The following CERS3 variants were observed in gnomAD, a reference collection of about 807,000 sequenced individuals.
The protein encoded by CERS3 is LAG1 homolog, ceramide synthase 3.
Under a neutral mutation model 50.3 loss-of-function variants are expected in CERS3, and 33 were observed. The observed-to-expected ratio is 0.66, with a 90% CI of 0.50 to 0.88. The LOEUF (loss-of-function observed/expected upper bound fraction) is 0.88, where lower values mean the gene tolerates loss of function less well. Among genes scored for constraint, CERS3 ranks in the 40% least tolerant of loss-of-function variants. The probability of loss-of-function intolerance (pLI) is 0.00; values close to 1 mark genes in which losing one functional copy is unlikely to be tolerated. For missense variants in CERS3, 470 were observed against 460.3 expected, an observed-to-expected ratio of 1.02 and a Z score of -0.19; for synonymous variants, 176 against 155.2, an observed-to-expected ratio of 1.13 and a Z score of -0.99.
At chr15:100,519,096 T>C (rs921450389) in intron 2 of CERS3, among the ~76,000 whole-genome samples, 1 of 151,548 alleles carries the variant, frequency 6.6e-6, no homozygotes, top group African/African-American at 2.4e-5. Context: ...AAGGCGGAGG[T>C]TGCAGTGAGC....
intron 11 of CERS3, among the ~76,000 whole-genome samples, chr15:100,453,995 C>T (rs1231533033): frequency 2.0e-5 from 3 of 152,086 alleles, no homozygotes; most frequent in African/African-American, 7.2e-5. Flanking sequence ...AGGACATAAA[C>T]AAATGGAAAG....
intron 11 of CERS3, among the ~76,000 whole-genome samples, chr15:100,411,737 G>A (rs2031506090): frequency 1.3e-5 from 2 of 152,128 alleles, no homozygotes; most frequent in Admixed American, 1.3e-4. Context: ...GTTTTCCACA[G>A]TGACTGTACC....
At chr15:100,412,747 C>A (rs1479812822) in intron 11 of CERS3, among the ~76,000 whole-genome samples, 2 of 152,130 alleles carry the variant, frequency 1.3e-5, no homozygotes, top group African/African-American at 2.4e-5. Context: ...AGAATATGTT[C>A]TATTTTTCAC....
chr15:100,453,394 A>G (rs768620817), intron 11 of CERS3, among the ~76,000 whole-genome samples: 7 of 152,232 alleles, frequency 4.6e-5, no homozygotes, highest in Non-Finnish European at 1.0e-4. Context: ...AATGTAGAAT[A>G]AAATCTATAT....
intron 11 of CERS3, among the ~76,000 whole-genome samples, chr15:100,403,623 A>T (rs76676669): frequency 0.033 from 5,083 of 152,300 alleles, 303 homozygotes; most frequent in African/African-American, 0.12. Context: ...AACTCTATGC[A>T]TATACATTTG....
At chr15:100,541,068 C>T (rs181207965) in intron 1 of CERS3, among the ~76,000 whole-genome samples, 1 of 152,114 alleles carries the variant, frequency 6.6e-6, no homozygotes, top group African/African-American at 2.4e-5. Context: ...TTAGAAAAAG[C>T]TAGGGCATCC....
intron 11 of CERS3, among the ~76,000 whole-genome samples, chr15:100,427,227 C>T (rs886981331): frequency 8.5e-5 from 13 of 152,112 alleles, no homozygotes; most frequent in African/African-American, 2.9e-4. Context: ...TCAGATGGTT[C>T]CTGCTGGACA....
At chr15:100,460,039 A>C (rs1201872577) in intron 10 of CERS3, among the ~76,000 whole-genome samples, 1 of 152,180 alleles carries the variant, frequency 6.6e-6, no homozygotes, top group South Asian at 2.1e-4. Flanking sequence ...TATGTTAATT[A>C]GCTTTATACA....
intron 11 of CERS3, among the ~76,000 whole-genome samples, chr15:100,453,295 A>G (rs1013775284): frequency 2.6e-5 from 4 of 152,220 alleles, no homozygotes; most frequent in Non-Finnish European, 5.9e-5. Flanking sequence ...CAAAAAGATA[A>G]CATACCATGG....
chr15:100,421,672 G>C (rs1473666048), intron 11 of CERS3, among the ~76,000 whole-genome samples: 2 of 150,230 alleles, frequency 1.3e-5, no homozygotes, highest in Non-Finnish European at 3.0e-5. Flanking sequence ...CATGCTACCT[G>C]ACTTCAAACT....
intron 11 of CERS3, among the ~76,000 whole-genome samples, chr15:100,418,956 A>G (rs1377994811): frequency 2.3e-5 from 3 of 132,566 alleles, no homozygotes; most frequent in Admixed American, 8.0e-5. Flanking sequence ...AGGAACAACC[A>G]GTACCAGCCA....
chr15:100,509,498 TCAGA>T (rs1290888872), intron 2 of CERS3, among the ~76,000 whole-genome samples: 3 of 152,174 alleles, frequency 2.0e-5, no homozygotes, highest in Admixed American at 6.5e-5. Flanking sequence ...AAGGTTTCTC[TCAGA>T]CAGACAGCAG....
At chr15:100,455,207 C>T (rs2034323182) in intron 11 of CERS3, among the ~76,000 whole-genome samples, 1 of 151,698 alleles carries the variant, frequency 6.6e-6, no homozygotes, top group Admixed American at 6.6e-5. Flanking sequence ...AAATGTAGAA[C>T]TACCATATGA....
At chr15:100,439,010 T>C (rs78178138) in intron 11 of CERS3, among the ~76,000 whole-genome samples, 2,500 of 152,360 alleles carry the variant, frequency 0.016, 30 homozygotes, top group Admixed American at 0.027. Context: ...AGTGTCAGCC[T>C]GTCATATTTT....
chr15:100,483,775 A>ATTT lies in CERS3; in HGVS notation c.407+774_407+775insAAA, dbSNP rs1158193821. ...GGCAGAAGGATCAATAATAATAATA[A>ATTT]TTATTATTATTATTTTTTTTTTTGA... On this transcript the variant is annotated intron_variant, in intron 5 of 11. Transcript: ENST00000679737. Among the ~76,000 whole-genome samples the ATTT allele has an allele frequency of 8.3e-3, 150 of 18,148 alleles. 2 individuals carry two copies. The highest frequency in any genetic ancestry group is 0.037 in the Middle Eastern group (2 of 54). 11.9% of individuals were successfully genotyped at this position (18,148 alleles called of 152,430 possible). A position where few individuals can be genotyped will look rare whatever the true frequency, so the allele number is the denominator to read the frequency against.
In CERS3 at chr15:100,402,483, G is replaced by A; in HGVS notation, c.*230C>T. On this transcript the variant is annotated 3_prime_UTR_variant, in exon 12 of 12. Coordinates refer to ENST00000679737, the MANE Select transcript of CERS3 (RefSeq NM_001378789.1). ...GAGACGGTTCTGTGGAGAAATCTTT[G>A]AAATCTTTGACCAGTCTGAGTCCTA... The A allele has an allele frequency of 3.9e-6, 2 of 517,292 alleles. No homozygotes were observed. The highest frequency in any genetic ancestry group is 6.8e-6 in the Non-Finnish European group (2 of 292,050). 32.0% of individuals were successfully genotyped at this position (517,292 alleles called of 1,614,324 possible). A position where few individuals can be genotyped will look rare whatever the true frequency, so the allele number is the denominator to read the frequency against.
At chr15:100,462,745 C>T (rs541589068) in intron 10 of CERS3, among the ~76,000 whole-genome samples, 9 of 152,182 alleles carry the variant, frequency 5.9e-5, no homozygotes, top group African/African-American at 1.7e-4. Context: ...ACAATGTCAG[C>T]GACATGAAAG....
At chr15:100,536,054 TGC>T (rs2142426337) in intron 1 of CERS3, among the ~76,000 whole-genome samples, 5 of 115,974 alleles carry the variant, frequency 4.3e-5, no homozygotes, top group South Asian at 3.6e-4. Flanking sequence ...TGCTCATATG[TGC>T]ACGGGAAGTG....
At chr15:100,497,105 A>G (rs1228554254) in intron 3 of CERS3, among the ~76,000 whole-genome samples, 3 of 152,212 alleles carry the variant, frequency 2.0e-5, no homozygotes, top group Non-Finnish European at 4.4e-5. Flanking sequence ...ATACCTGTAC[A>G]TGAAGCACAT....
Sources: allele counts gnomAD v4.1 joint callset (sites outside exome capture counted in the v4.1 genomes callset), GRCh38; gene constraint gnomAD v4.1.1; transcripts MANE v1.5; gene names NCBI Gene and HGNC (gene_info 2026-07-23, HGNC 2026-07-21).